GPR143: variants seen among roughly 807,000 people sequenced by gnomAD.
GPR143 encodes the protein G protein-coupled receptor 143, also known as G-protein coupled receptor 143.
Under a neutral mutation model 27.6 loss-of-function variants are expected in GPR143, and 8 were observed. The observed-to-expected ratio is 0.29, with a 90% CI of 0.17 to 0.52. The LOEUF (loss-of-function observed/expected upper bound fraction) is 0.52. Among genes scored for constraint, GPR143 ranks in the 20% least tolerant of loss-of-function variants. The probability of loss-of-function intolerance (pLI) is 0.96; values close to 1 mark genes in which losing one functional copy is unlikely to be tolerated. For missense variants in GPR143, 303 were observed against 343.1 expected, an observed-to-expected ratio of 0.88 and a Z score of 0.92; for synonymous variants, 156 against 153.2, an observed-to-expected ratio of 1.02 and a Z score of -0.13.
At chrX:9,750,840 G>A (rs182469755) in intron 3 of GPR143, among the ~76,000 whole-genome samples, 28 of 112,891 alleles carry the variant, frequency 2.5e-4, no homozygotes, top group African/African-American at 8.3e-4. Flanking sequence ...TGGGATTGCA[G>A]GCATGAGCCG....
At chrX:9,735,347 G>T (rs2083374724) in intron 8 of GPR143, among the ~76,000 whole-genome samples, 1 of 111,096 alleles carries the variant, frequency 9.0e-6, no homozygotes, top group African/African-American at 3.3e-5. Context: ...ATACCACGCT[G>T]AGCCACAACC....
At chrX:9,727,585 C>T (rs765242484) in intron 8 of GPR143, among the ~76,000 whole-genome samples, 2 of 113,067 alleles carry the variant, frequency 1.8e-5, no homozygotes, top group African/African-American at 6.4e-5. Flanking sequence ...TCAATTCCAG[C>T]AACATGTCTT....
intron 5 of GPR143, among the ~76,000 whole-genome samples, chrX:9,744,830 G>T (rs763765438): frequency 4.4e-5 from 5 of 112,454 alleles, no homozygotes; most frequent in African/African-American, 1.6e-4. Context: ...TCCACCCAGA[G>T]GTAACCACTG....
In GPR143 at chrX:9,748,651, A is replaced by G. The variant is rs761588030; in HGVS notation, c.471T>C (p.Tyr157=). 7.8e-5 allele frequency: 94 copies of G among 1,198,740 alleles called. No homozygotes were observed. Among genetic ancestry groups the G allele is most frequent in the Non-Finnish European group, 1.0e-4 (90 of 884,987 alleles). Residue 157 remains tyrosine, a synonymous_variant, in exon 4 of 9, where the codon TAT becomes TAC. Transcript: ENST00000467482. ...TGGCCAGGCCCCACGCCATGATGTGATACAGCAGGATGGTGCTAGGGGACA... is the reference window on the plus strand; with the variant it reads ...TGGCCAGGCCCCACGCCATGATGTGGTACAGCAGGATGGTGCTAGGGGACA... ...RSAGLSTILL[Y]HIMAWGLATL...
At chrX:9,755,166 C>A (rs2083468125) in intron 3 of GPR143, among the ~76,000 whole-genome samples, 1 of 111,929 alleles carries the variant, frequency 8.9e-6, no homozygotes, top group African/African-American at 3.2e-5. Flanking sequence ...GCCTGTAATC[C>A]CAACACTTTG....
intron 6 of GPR143, among the ~76,000 whole-genome samples, chrX:9,742,299 C>T (rs111451170): frequency 0.038 from 4,221 of 111,325 alleles, 209 homozygotes; most frequent in African/African-American, 0.13. Flanking sequence ...GACAAGGTCT[C>T]GCTCTGTCAC....
intron 8 of GPR143, among the ~76,000 whole-genome samples, chrX:9,737,985 G>C (rs576376768): frequency 8.9e-6 from 1 of 112,056 alleles, no homozygotes; most frequent in Non-Finnish European, 1.9e-5. Context: ...GGATGACAGA[G>C]GGAGACCCTG....
At chrX:9,774,077 G>C (rs1374730729) in intron 1 of GPR143, among the ~76,000 whole-genome samples, 1 of 110,126 alleles carries the variant, frequency 9.1e-6, no homozygotes, top group African/African-American at 3.3e-5. Flanking sequence ...TTGAGGCCAG[G>C]AGTTCAAGAC....
upstream of GPR143, among the ~76,000 whole-genome samples, chrX:9,770,323 A>AGAGAGAGAGAGAGAGAG (rs2083549800): frequency 1.9e-4 from 17 of 89,017 alleles, no homozygotes; most frequent in African/African-American, 8.1e-4. Flanking sequence ...AAGAAAGAAA[A>AGAGAGAGAGAGAGAGAG]AGAGAGAGAG....
intron 3 of GPR143, among the ~76,000 whole-genome samples, chrX:9,756,917 C>T (rs1255741608): frequency 8.9e-6 from 1 of 112,584 alleles, no homozygotes; most frequent in Admixed American, 9.5e-5. Flanking sequence ...TATGTCCACA[C>T]AAACACTTGC....
intron 8 of GPR143, among the ~76,000 whole-genome samples, chrX:9,736,393 A>G (rs2083379516): frequency 9.0e-6 from 1 of 111,707 alleles, no homozygotes. Flanking sequence ...CAATTTTAAG[A>G]TATTCAAAGG....
Position 9,725,534 on chromosome X carries a change from G to A in GPR143, c.*212C>T. 1 of 405,406 alleles carries A rather than the reference G, an allele frequency of 2.5e-6. No individual in the cohort carries two copies. The highest frequency in any genetic ancestry group is 4.1e-5 in the East Asian group (1 of 24,270). 33.4% of individuals were successfully genotyped at this position (405,406 alleles called of 1,213,427 possible). A position where few individuals can be genotyped will look rare whatever the true frequency, so the allele number is the denominator to read the frequency against. On this transcript the variant is annotated 3_prime_UTR_variant, in exon 9 of 9. Transcript: ENST00000467482. ...GCTAGAGCAGCTGTAGAGTGGTCTG[G>A]AGGGGGCTCTTCCATTCTCACACGT...
intron 1 of GPR143, among the ~76,000 whole-genome samples, chrX:9,775,913 G>A (rs2083569548): frequency 1.8e-5 from 2 of 112,170 alleles, no homozygotes; most frequent in South Asian, 7.4e-4. Flanking sequence ...ATTAAAATGA[G>A]ATGACTCTGG....
At position 9,734,095 on chromosome X, in the gene GPR143, A is replaced by G. The variant is rs193168660; in HGVS notation, c.1120+5390T>C. 3.7e-3 allele frequency among the ~76,000 whole-genome samples: 397 copies of G among 108,515 alleles called. 2 individuals are homozygous for G. Among genetic ancestry groups the G allele is most frequent in the African/African-American group, 0.012 (358 of 28,969 alleles). The allele number at this position is 108,515 out of a possible 115,157, so 94.2% of individuals were successfully genotyped here. The stretch of plus-strand genomic sequence containing the variant: ...AACTCTGTCTCAAAAAAAAAAAAAA[A>G]AAGAAGAAGAATAAAATAGATTATA... On this transcript the variant is annotated intron_variant, in intron 8 of 8. Coordinates refer to ENST00000467482, the MANE Select transcript of GPR143 (RefSeq NM_000273.3).
At position 9,746,080 on chromosome X, in the gene GPR143, C is replaced by T; in HGVS notation, c.622G>A (p.Ala208Thr). ...MYLPLLLVLVANPILFQKTVT... is the reference protein window; with the variant it reads ...MYLPLLLVLVTNPILFQKTVT... Reference sequence around the variant, plus strand: ...GTCTTTTGGAACAGGATGGGGTTCGCCACGAGAACCAGCAGCAGGGGCAGG... The same window carrying T: ...GTCTTTTGGAACAGGATGGGGTTCGTCACGAGAACCAGCAGCAGGGGCAGG... The change falls in exon 5 of 9, where the codon GCG becomes ACG. Residue 208 changes from alanine to threonine, a missense_variant. Ala to Thr is a moderately conservative substitution (Grantham distance 58, BLOSUM62 0). Coordinates refer to ENST00000467482, the MANE Select transcript of GPR143 (RefSeq NM_000273.3). The T allele has an allele frequency of 8.3e-7, 1 of 1,202,950 alleles. No individual in the cohort carries two copies. The highest frequency in any genetic ancestry group is 1.1e-6 in the Non-Finnish European group (1 of 887,630).
intron 3 of GPR143, among the ~76,000 whole-genome samples, chrX:9,750,372 G>A (rs2083446358): frequency 9.6e-6 from 1 of 104,081 alleles, no homozygotes; most frequent in African/African-American, 4.1e-5. Flanking sequence ...ACCATGCCCA[G>A]CTAATTTTTT....
At chrX:9,771,000 A>G (rs1440543232), upstream of GPR143, among the ~76,000 whole-genome samples, 1 of 112,198 alleles carries the variant, frequency 8.9e-6, no homozygotes, top group African/African-American at 3.2e-5. Context: ...GACCTTAATG[A>G]AGAACACAGG....
chrX:9,745,994 TG>T, intron 5 of GPR143, 49 bp downstream of exon 5: 1 of 748,828 alleles, frequency 1.3e-6, no homozygotes, highest in Non-Finnish European at 2.1e-6. Flanking sequence ...GCCCGAGGCA[TG>T]GGGCCGCTCC....
rs1331065694 is a variant in GPR143 at position 9,760,703 on chromosome X, G to C, written c.360+14C>G. On this transcript the variant is annotated intron_variant, in intron 2 of 8. Coordinates refer to ENST00000467482, the MANE Select transcript of GPR143 (RefSeq NM_000273.3). ...AAGTAGGGAGGAGAGGGCATGCAGA[G>C]GGGGTGGACTCACCGCACTCCCCAC... The C allele has an allele frequency of 2.1e-6, 2 of 960,277 alleles. No individual in the cohort carries two copies. Among genetic ancestry groups the C allele is most frequent in the Admixed American group, 4.6e-5 (2 of 43,197 alleles). 79.1% of individuals were successfully genotyped at this position (960,277 alleles called of 1,213,427 possible).
Sources: allele counts gnomAD v4.1 joint callset (sites outside exome capture counted in the v4.1 genomes callset), GRCh38; gene constraint gnomAD v4.1.1; transcripts MANE v1.5; gene names NCBI Gene and HGNC (gene_info 2026-07-23, HGNC 2026-07-21).